The following MCM9 variants were observed in gnomAD, a reference collection of about 807,000 sequenced individuals.
MCM9 encodes the protein minichromosome maintenance 9 homologous recombination repair factor.
In MCM9, 55 loss-of-function variants were observed where a neutral mutation model predicts 72.8. The observed-to-expected ratio is 0.76, with a 90% CI of 0.61 to 0.95. MCM9 has a LOEUF of 0.95. Among genes scored for constraint, MCM9 ranks in the 40% least tolerant of loss-of-function variants. MCM9 has a pLI of 0.00. For missense variants in MCM9, 1,279 were observed against 1,377.0 expected (o/e 0.93, Z 1.13); for synonymous variants, 480 against 503.4 (o/e 0.95, Z 0.62).
intron 8 of MCM9, among the ~76,000 whole-genome samples, chr6:118,904,470 A>AC (rs1780033081): frequency 6.6e-6 from 1 of 152,104 alleles, no homozygotes; most frequent in South Asian, 2.1e-4. Context: ...TCCATTTACC[A>AC]CCCAGAATGG....
chr6:118,929,871 ACCCTGATGCATAAT>A (rs1253745688), intron 3 of MCM9, among the ~76,000 whole-genome samples: 1 of 152,082 alleles, frequency 6.6e-6, no homozygotes, highest in African/African-American at 2.4e-5. Context: ...ATTATCTAGT[ACCCTGATGCATAAT>A]GATTAATACT....
intron 8 of MCM9, among the ~76,000 whole-genome samples, chr6:118,903,566 A>G (rs532957265): frequency 5.9e-5 from 9 of 152,350 alleles, no homozygotes; most frequent in African/African-American, 2.2e-4. Flanking sequence ...ATTTGTGACA[A>G]GAAATATCAG....
At chr6:118,927,567 T>C (rs1782001353) in intron 3 of MCM9, among the ~76,000 whole-genome samples, 1 of 151,584 alleles carries the variant, frequency 6.6e-6, no homozygotes, top group Admixed American at 6.6e-5. Context: ...ATCGTGCCAC[T>C]GTACTCCAGA....
At chr6:118,817,012 T>C (rs1246752496) in intron 13 of MCM9, among the ~76,000 whole-genome samples, 6 of 152,270 alleles carry the variant, frequency 3.9e-5, no homozygotes, top group African/African-American at 1.2e-4. Flanking sequence ...TTAAAATCTA[T>C]TTACTTTCTA....
chr6:118,832,968 C>T lies in MCM9; in HGVS notation c.1326-3718G>A, dbSNP rs564768229. Among the ~76,000 whole-genome samples the T allele has an allele frequency of 3.3e-5, 5 of 152,266 alleles. No individual in the cohort carries two copies. In the East Asian group the frequency reaches 9.6e-4, roughly 29 times the overall value. Reference sequence around the variant, plus strand: ...TTACAGTGAAGTAGGGCTATGATACCAAGTCTGGACAATGAAGTAAAGATA... The same window carrying T: ...TTACAGTGAAGTAGGGCTATGATACTAAGTCTGGACAATGAAGTAAAGATA... On this transcript the variant is annotated intron_variant, in intron 9 of 13. Coordinates refer to ENST00000619706, the MANE Select transcript of MCM9 (RefSeq NM_017696.3).
At chr6:118,889,445 T>A (rs1583552572) in intron 8 of MCM9, among the ~76,000 whole-genome samples, 1 of 152,346 alleles carries the variant, frequency 6.6e-6, no homozygotes, top group East Asian at 1.9e-4. Flanking sequence ...TAGAGATGTT[T>A]TAAAGATTTG....
intron 8 of MCM9, chr6:118,909,101 TTGTC>T (rs1780361595): frequency 6.6e-6 from 1 of 152,198 alleles, no homozygotes; most frequent in African/African-American, 2.4e-5. Flanking sequence ...AAAATCTCAT[TTGTC>T]TAATTGCAAT....
chr6:118,867,126 C>A (rs1777265443), intron 8 of MCM9, among the ~76,000 whole-genome samples: 1 of 151,656 alleles, frequency 6.6e-6, no homozygotes, highest in African/African-American at 2.4e-5. Context: ...CTTTCTCAAA[C>A]AAAAAGTTTA....
chr6:118,828,032 T>C lies in MCM9; in HGVS notation c.1627A>G (p.Asn543Asp). The change falls in exon 11 of 14, where the codon AAT becomes GAT. Residue 543 changes from asparagine to aspartate, a missense_variant. Asn to Asp is a conservative substitution (Grantham distance 23). Transcript: ENST00000619706. ...NLQPTLSDVGNQVLLRYYQMQ... is the reference protein window; with the variant it reads ...NLQPTLSDVGDQVLLRYYQMQ... ...TGGTAGTACCGGAGAAGAACCTGAT[T>C]GCCCACATCAGACAGTGTGGGCTGC... 1.4e-5 allele frequency: 22 copies of C among 1,550,860 alleles called. No homozygotes were observed. Among genetic ancestry groups the C allele is most frequent in the Non-Finnish European group, 1.9e-5 (22 of 1,147,040 alleles).
intron 11 of MCM9, 72 bp from the exon 12 acceptor site, chr6:118,826,936 C>G: frequency 8.4e-7 from 1 of 1,193,680 alleles, no homozygotes; most frequent in Non-Finnish European, 1.2e-6. Flanking sequence ...ACTTCCTCCT[C>G]CTCACCATTT....
intron 8 of MCM9, among the ~76,000 whole-genome samples, chr6:118,874,943 G>A (rs980485015): frequency 7.2e-5 from 11 of 152,098 alleles, no homozygotes; most frequent in East Asian, 1.9e-4. Flanking sequence ...GTGAAACCCC[G>A]TTTCTATTAA....
At chr6:118,873,508 C>G (rs1381122787) in intron 8 of MCM9, among the ~76,000 whole-genome samples, 1 of 152,170 alleles carries the variant, frequency 6.6e-6, no homozygotes. Context: ...ACAAACAACT[C>G]TGCCCATAAA....
At chr6:118,873,202 G>A (rs1338037474) in intron 8 of MCM9, among the ~76,000 whole-genome samples, 1 of 61,988 alleles carries the variant, frequency 1.6e-5, no homozygotes, top group African/African-American at 4.4e-5. Context: ...AGGAGGGGAG[G>A]GGAGGGGAGG....
chr6:118,838,159 CTTTT>C (rs759862698), intron 9 of MCM9, among the ~76,000 whole-genome samples: 36 of 119,692 alleles, frequency 3.0e-4, no homozygotes, highest in East Asian at 2.4e-3. Context: ...GTTGAAAATT[CTTTT>C]TTTTTTTTTT....
intron 8 of MCM9, among the ~76,000 whole-genome samples, chr6:118,871,359 A>C (rs2114316666): frequency 6.6e-6 from 1 of 152,372 alleles, no homozygotes; most frequent in South Asian, 2.1e-4. Context: ...CCATATTAAC[A>C]AAATGAAGGA....
intron 6 of MCM9, among the ~76,000 whole-genome samples, chr6:118,916,750 C>T (rs1429207762): frequency 6.6e-6 from 1 of 152,162 alleles, no homozygotes; most frequent in African/African-American, 2.4e-5. Context: ...GACCCACCCA[C>T]CTTGGCCTCT....
intron 9 of MCM9, among the ~76,000 whole-genome samples, chr6:118,841,783 T>G (rs1775384833): frequency 6.6e-6 from 1 of 152,152 alleles, no homozygotes; most frequent in African/African-American, 2.4e-5. Context: ...AGCATGACAT[T>G]GTTTAGTGCT....
intron 7 of MCM9, chr6:118,912,459 G>A (rs1488500038): frequency 1.3e-5 from 2 of 152,160 alleles, no homozygotes; most frequent in Non-Finnish European, 2.9e-5. Context: ...TGATTTCACT[G>A]ACCAAGTTTC....
intron 9 of MCM9, 148 bp downstream of exon 9, chr6:118,856,223 G>A: frequency 4.5e-6 from 3 of 669,544 alleles, no homozygotes; most frequent in Non-Finnish European, 4.6e-6. Context: ...GTCTAATAAG[G>A]AAAAACTCTA....
Sources: allele counts gnomAD v4.1 joint callset (sites outside exome capture counted in the v4.1 genomes callset), GRCh38; gene constraint gnomAD v4.1.1; transcripts MANE v1.5; gene names NCBI Gene and HGNC (gene_info 2026-07-23, HGNC 2026-07-21).